The following DNAAF9 variants were observed in gnomAD, a reference collection of about 807,000 sequenced individuals.
The protein encoded by DNAAF9 is dynein axonemal assembly factor 9, also known as shulin.
Under a neutral mutation model 167.0 loss-of-function variants are expected in DNAAF9, and 90 were observed. That is an observed-to-expected ratio of 0.54 (90% CI 0.45 to 0.64). DNAAF9 has a LOEUF of 0.64. Ranked by LOEUF, DNAAF9 falls within the 30% of genes least tolerant of loss-of-function variation. The pLI is 0.00. For synonymous variants in DNAAF9, 491 were observed against 508.8 expected (o/e 0.96, Z 0.47); for missense variants, 1,315 against 1,442.2 (o/e 0.91, Z 1.43).
intron 16 of DNAAF9, among the ~76,000 whole-genome samples, chr20:3,318,837 G>T (rs1202576717): frequency 6.6e-6 from 1 of 152,052 alleles, no homozygotes; most frequent in Non-Finnish European, 1.5e-5. Flanking sequence ...CCAACACTTT[G>T]GGAGGTTGAG....
At chr20:3,339,090 G>T (rs1354746242) in intron 10 of DNAAF9, among the ~76,000 whole-genome samples, 1 of 152,056 alleles carries the variant, frequency 6.6e-6, no homozygotes, top group Non-Finnish European at 1.5e-5. Context: ...CCCATTAAAG[G>T]TATGCTTTGC....
chr20:3,380,616 TG>T lies in DNAAF9; in HGVS notation c.283+762del, dbSNP rs1271617574. 4.6e-5 allele frequency among the ~76,000 whole-genome samples: 7 copies of T among 152,306 alleles called. No individual in the cohort carries two copies. The East Asian group carries it at 1.3e-3, about 29-fold the overall frequency. On this transcript the variant is annotated intron_variant, in intron 3 of 36. Transcript: ENST00000252032. The stretch of plus-strand genomic sequence containing the variant: ...CCTGCAGGACAAAACTGCCCCCAGT[TG>T]GGAACTACTGCACTAGACACATAGC...
intron 1 of DNAAF9, among the ~76,000 whole-genome samples, chr20:3,406,960 A>G (rs1470476546): frequency 6.6e-6 from 1 of 152,024 alleles, no homozygotes; most frequent in Non-Finnish European, 1.5e-5. Context: ...CAAAGGCTCT[A>G]GAGACCCACG....
rs946783105 is a variant in DNAAF9, at chr20:3,251,630, G to A, written c.*942C>T. On this transcript the variant is annotated 3_prime_UTR_variant, in exon 37 of 37. Coordinates refer to ENST00000252032, the MANE Select transcript of DNAAF9 (RefSeq NM_001009984.3). ...GCAACAACACTTTGGGGAGCGGGGG[G>A]ATGAGTTTCCTGAAGTTTGTGGCTG... 3 of 152,350 alleles carry A rather than the reference G, an allele frequency of 2.0e-5. No individual in the cohort carries two copies. The highest frequency in any genetic ancestry group is 4.4e-5 in the Non-Finnish European group (3 of 68,138). The allele number at this position is 152,350 out of a possible 1,614,324, so 9.4% of individuals were successfully genotyped here. A position where few individuals can be genotyped will look rare whatever the true frequency, so the allele number is the denominator to read the frequency against.
At chr20:3,314,353 A>T (rs2069465792) in intron 20 of DNAAF9, among the ~76,000 whole-genome samples, 1 of 152,186 alleles carries the variant, frequency 6.6e-6, no homozygotes, top group Non-Finnish European at 1.5e-5. Context: ...ATAGCCGAAG[A>T]GGAATTAGAG....
At chr20:3,369,628 C>T (rs1165822615) in intron 6 of DNAAF9, among the ~76,000 whole-genome samples, 1 of 152,216 alleles carries the variant, frequency 6.6e-6, no homozygotes, top group Non-Finnish European at 1.5e-5. Context: ...CTGCCTGCCT[C>T]AGCCTCCCAA....
chr20:3,328,787 T>A (rs969669947), intron 12 of DNAAF9, among the ~76,000 whole-genome samples: 5 of 151,688 alleles, frequency 3.3e-5, no homozygotes, highest in Non-Finnish European at 5.9e-5. Context: ...GATTACAGCT[T>A]AATACTTTTT....
intron 27 of DNAAF9, among the ~76,000 whole-genome samples, chr20:3,285,681 T>G (rs1377155637): frequency 1.9e-5 from 2 of 103,916 alleles, no homozygotes; most frequent in Non-Finnish European, 4.0e-5. Flanking sequence ...TCTGTCTCAT[T>G]AAAAAAAAAA....
intron 31 of DNAAF9, among the ~76,000 whole-genome samples, chr20:3,260,454 G>A (rs1188582337): frequency 1.3e-5 from 2 of 152,172 alleles, no homozygotes; most frequent in Non-Finnish European, 2.9e-5. Flanking sequence ...TTTGAGACTG[G>A]GAAGCATGAC....
chr20:3,284,316 G>A (rs977236146), intron 27 of DNAAF9, among the ~76,000 whole-genome samples: 13 of 151,580 alleles, frequency 8.6e-5, no homozygotes, highest in African/African-American at 2.9e-4. Context: ...GAGTAGCTGT[G>A]ACCACAGGTG....
intron 1 of DNAAF9, among the ~76,000 whole-genome samples, chr20:3,402,600 C>T (rs1443385669): frequency 6.6e-6 from 1 of 151,338 alleles, no homozygotes; most frequent in African/African-American, 2.4e-5. Context: ...TTTCTTGACA[C>T]AGGATCTCAC....
At chr20:3,370,701 C>A (rs889975254) in intron 6 of DNAAF9, among the ~76,000 whole-genome samples, 3 of 152,286 alleles carry the variant, frequency 2.0e-5, no homozygotes, top group Non-Finnish European at 4.4e-5. Flanking sequence ...AGCCACCGCG[C>A]CCAGCCGTGC....
intron 36 of DNAAF9, 71 bp from the exon 37 acceptor site, chr20:3,252,755 T>G (rs545417161): frequency 2.2e-6 from 2 of 890,656 alleles, no homozygotes; most frequent in South Asian, 2.7e-5. Flanking sequence ...CAGAGCGGCC[T>G]GTAGGCAGGT....
chr20:3,377,892 T>C (rs1186287439), intron 3 of DNAAF9, among the ~76,000 whole-genome samples: 1 of 152,208 alleles, frequency 6.6e-6, no homozygotes, highest in Non-Finnish European at 1.5e-5. Flanking sequence ...TGGAATGCCC[T>C]TGGCCAACAA....
intron 2 of DNAAF9, among the ~76,000 whole-genome samples, 169 bp downstream of exon 2, chr20:3,382,258 G>A (rs2083663940): frequency 6.6e-6 from 1 of 152,116 alleles, no homozygotes; most frequent in Non-Finnish European, 1.5e-5. Context: ...CTATCTCACT[G>A]ATAGCTCATC....
intron 27 of DNAAF9, among the ~76,000 whole-genome samples, chr20:3,284,173 C>CTTTTTTT (rs200633758): frequency 8.5e-5 from 10 of 118,258 alleles, no homozygotes; most frequent in African/African-American, 2.1e-4. Context: ...TTACTAGAGT[C>CTTTTTTT]TTTTTTTTTT....
intron 29 of DNAAF9, among the ~76,000 whole-genome samples, chr20:3,274,078 A>C (rs1268483435): frequency 6.6e-6 from 1 of 152,198 alleles, no homozygotes; most frequent in African/African-American, 2.4e-5. Flanking sequence ...AACTAAAAAA[A>C]AAGAAAAAAA....
At chr20:3,295,685 A>G (rs1423193243) in intron 23 of DNAAF9, 5 of 566,166 alleles carry the variant, frequency 8.8e-6, no homozygotes, top group South Asian at 5.6e-5. Flanking sequence ...ACTGTAACAC[A>G]GTCCATGGGC....
intron 6 of DNAAF9, among the ~76,000 whole-genome samples, chr20:3,364,078 A>AG (rs1458251029): frequency 6.6e-6 from 1 of 152,204 alleles, no homozygotes; most frequent in Non-Finnish European, 1.5e-5. Flanking sequence ...CTGAGACTAC[A>AG]GGCACATGGC....
Sources: gnomAD v4.1 joint callset for allele counts (sites outside exome capture counted in the v4.1 genomes callset) on GRCh38, gnomAD v4.1.1 for gene constraint, MANE v1.5 for transcripts, NCBI Gene and HGNC (gene_info 2026-07-23, HGNC 2026-07-21) for gene names.